CNTNAP5: variants seen among roughly 807,000 people sequenced by gnomAD.
CNTNAP5 encodes the protein contactin associated protein family member 5, also known as contactin-associated protein-like 5.
In CNTNAP5, 72 loss-of-function variants were observed where a neutral mutation model predicts 150.2. The observed-to-expected ratio is 0.48, with a 90% CI of 0.40 to 0.58. The LOEUF (loss-of-function observed/expected upper bound fraction) is 0.58, where lower values mean the gene tolerates loss of function less well. CNTNAP5 is among the 20% of genes least tolerant of loss of function. The pLI is 0.00. For synonymous variants in CNTNAP5, 672 were observed against 619.8 expected (o/e 1.08, Z -1.25); for missense variants, 1,636 against 1,626.2 (o/e 1.01, Z -0.10).
At chr2:124,463,206 T>C (rs142982733) in intron 6 of CNTNAP5, among the ~76,000 whole-genome samples, 2 of 152,350 alleles carry the variant, frequency 1.3e-5, no homozygotes, top group African/African-American at 4.8e-5. Context: ...GCTTGAATAC[T>C]AAAATGTACA....
chr2:124,278,127 T>C (rs991717230), intron 3 of CNTNAP5, among the ~76,000 whole-genome samples: 1 of 152,160 alleles, frequency 6.6e-6, no homozygotes, highest in Non-Finnish European at 1.5e-5. Flanking sequence ...AGCCCATTCT[T>C]AAGTTATATG....
At chr2:124,904,263 G>A (rs1201246068) in intron 22 of CNTNAP5, among the ~76,000 whole-genome samples, 1 of 151,798 alleles carries the variant, frequency 6.6e-6, no homozygotes, top group Non-Finnish European at 1.5e-5. Flanking sequence ...TTTCAAATTG[G>A]CATAATGTCC....
At chr2:124,380,077 GTTA>G (rs1465879772) in intron 3 of CNTNAP5, among the ~76,000 whole-genome samples, 1 of 151,964 alleles carries the variant, frequency 6.6e-6, no homozygotes, top group East Asian at 1.9e-4. Context: ...TATTTTCCTA[GTTA>G]TTAATTTACT....
At chr2:124,552,297 TCACATGAAAAGGTGACCC>T (rs1695645620) in intron 10 of CNTNAP5, among the ~76,000 whole-genome samples, 1 of 152,142 alleles carries the variant, frequency 6.6e-6, no homozygotes, top group Admixed American at 6.5e-5. Flanking sequence ...CTCAGGAGCT[TCACATGAAAAGGTGACCC>T]CACTACACCC....
chr2:124,552,802 C>T (rs1695657102), intron 10 of CNTNAP5, among the ~76,000 whole-genome samples: 1 of 152,150 alleles, frequency 6.6e-6, no homozygotes, highest in African/African-American at 2.4e-5. Context: ...TATATTCCCA[C>T]CGGTAACCAC....
At chr2:124,498,641 C>CA (rs1694205673) in intron 7 of CNTNAP5, among the ~76,000 whole-genome samples, 1 of 152,116 alleles carries the variant, frequency 6.6e-6, no homozygotes, top group Admixed American at 6.6e-5. Context: ...TCATCTTTTG[C>CA]TCACTTACTT....
At chr2:124,882,749 A>C (rs1312410156) in intron 21 of CNTNAP5, among the ~76,000 whole-genome samples, 3 of 152,050 alleles carry the variant, frequency 2.0e-5, no homozygotes, top group Non-Finnish European at 4.4e-5. Context: ...AGATTGGGTA[A>C]TTTATAAAGA....
chr2:124,379,713 C>A (rs1317999169), intron 3 of CNTNAP5, among the ~76,000 whole-genome samples: 1 of 152,128 alleles, frequency 6.6e-6, no homozygotes, highest in Non-Finnish European at 1.5e-5. Context: ...TGAGGTCTGG[C>A]AGCGCCCTCA....
At chr2:124,133,739 A>G (rs918633663) in intron 1 of CNTNAP5, among the ~76,000 whole-genome samples, 10 of 152,144 alleles carry the variant, frequency 6.6e-5, no homozygotes, top group African/African-American at 2.4e-4. Flanking sequence ...GACCCCTGAC[A>G]TGGTGACAGA....
intron 1 of CNTNAP5, among the ~76,000 whole-genome samples, chr2:124,054,629 G>C (rs1000450969): frequency 1.3e-5 from 2 of 152,160 alleles, no homozygotes; most frequent in African/African-American, 2.4e-5. Context: ...TGTTATTGCT[G>C]TTCAAATCCC....
At chr2:124,167,236 A>G (rs920622441) in intron 1 of CNTNAP5, among the ~76,000 whole-genome samples, 1 of 152,192 alleles carries the variant, frequency 6.6e-6, no homozygotes, top group East Asian at 1.9e-4. Context: ...AAAACCACAC[A>G]TAATTCATTA....
At chr2:124,334,091 C>T (rs1395793726) in intron 3 of CNTNAP5, among the ~76,000 whole-genome samples, 2 of 152,074 alleles carry the variant, frequency 1.3e-5, no homozygotes, top group South Asian at 4.1e-4. Flanking sequence ...GTCCAGGACT[C>T]TCGGGGCTCC....
chr2:124,263,008 C>T (rs556010837), intron 3 of CNTNAP5, among the ~76,000 whole-genome samples: 2 of 152,232 alleles, frequency 1.3e-5, no homozygotes, highest in African/African-American at 2.4e-5. Flanking sequence ...CATAGTATTC[C>T]ATGGTGTATA....
chr2:124,070,053 A>G (rs1041334321), intron 1 of CNTNAP5, among the ~76,000 whole-genome samples: 1 of 152,162 alleles, frequency 6.6e-6, no homozygotes, highest in Non-Finnish European at 1.5e-5. Flanking sequence ...GGGTAAAGTT[A>G]AAATGCTCAG....
intron 1 of CNTNAP5, among the ~76,000 whole-genome samples, chr2:124,200,119 C>G (rs1355794139): frequency 6.6e-6 from 1 of 152,170 alleles, no homozygotes; most frequent in Non-Finnish European, 1.5e-5. Flanking sequence ...CATAGACACC[C>G]TTCCAATCCT....
At chr2:124,552,258 C>T (rs1307962566) in intron 10 of CNTNAP5, among the ~76,000 whole-genome samples, 7 of 152,094 alleles carry the variant, frequency 4.6e-5, no homozygotes, top group Non-Finnish European at 1.0e-4. Flanking sequence ...TTCACTCTGC[C>T]CTCACTGGAA....
chr2:124,210,000 G>A (rs572059550), intron 1 of CNTNAP5, among the ~76,000 whole-genome samples: 19 of 152,086 alleles, frequency 1.2e-4, no homozygotes, highest in African/African-American at 3.9e-4. Flanking sequence ...AGAAATAAGC[G>A]GTGCCAGAAG....
chr2:124,072,237 G>A (rs1682323012), intron 1 of CNTNAP5, among the ~76,000 whole-genome samples: 1 of 151,766 alleles, frequency 6.6e-6, no homozygotes, highest in Non-Finnish European at 1.5e-5. Context: ...CATAATAAAT[G>A]CCATGTATGA....
chr2:124,229,836 A>G (rs1686568933), intron 2 of CNTNAP5, among the ~76,000 whole-genome samples: 1 of 152,120 alleles, frequency 6.6e-6, no homozygotes, highest in Non-Finnish European at 1.5e-5. Context: ...ATTAAAAGGA[A>G]AATAGAAATA....
Sources: allele counts gnomAD v4.1 joint callset (sites outside exome capture counted in the v4.1 genomes callset), GRCh38; gene constraint gnomAD v4.1.1; transcripts MANE v1.5; gene names NCBI Gene and HGNC (gene_info 2026-07-23, HGNC 2026-07-21).